Variants in LITAF observed in about 807,000 individuals in gnomAD.
LITAF encodes lipopolysaccharide induced TNF factor, also known as lipopolysaccharide-induced tumor necrosis factor-alpha factor.
Under a neutral mutation model 14.5 loss-of-function variants are expected in LITAF, and 9 were observed. The ratio of observed to expected loss-of-function variants is 0.62; its 90% CI spans 0.37 to 1.08. The LOEUF (loss-of-function observed/expected upper bound fraction) is 1.08. LITAF is among the 50% of genes least tolerant of loss of function. The pLI is 0.01. For missense variants in LITAF, 206 were observed against 213.4 expected, an observed-to-expected ratio of 0.97 and a Z score of 0.22; for synonymous variants, 98 against 88.2, an observed-to-expected ratio of 1.11 and a Z score of -0.62.
intron 3 of LITAF, among the ~76,000 whole-genome samples, chr16:11,612,863 G>GACTC (rs2064991275): frequency 6.6e-6 from 1 of 152,136 alleles, no homozygotes; most frequent in Non-Finnish European, 1.5e-5. Context: ...CCATCTCAGG[G>GACTC]ACTCCCATGG....
intron 1 of LITAF, among the ~76,000 whole-genome samples, chr16:11,560,582 CAA>C (rs57634636): frequency 8.4e-6 from 1 of 118,986 alleles, no homozygotes. Context: ...GATTCCATCT[CAA>C]AAAAAAAAAA....
chr16:11,587,567 G>A (rs1027398816), upstream of LITAF: 1 of 394,644 alleles, frequency 2.5e-6, no homozygotes, highest in Admixed American at 2.7e-5. Flanking sequence ...TTTTAGCACA[G>A]GATAGGTATT....
chr16:11,623,305 G>T (rs2065062674), intron 3 of LITAF, among the ~76,000 whole-genome samples: 1 of 151,928 alleles, frequency 6.6e-6, no homozygotes, highest in Non-Finnish European at 1.5e-5. Flanking sequence ...TGCTCATATA[G>T]TTGGAAAGTC....
intron 1 of LITAF, among the ~76,000 whole-genome samples, chr16:11,578,376 G>A (rs1483720000): frequency 1.3e-5 from 2 of 152,072 alleles, no homozygotes; most frequent in Non-Finnish European, 2.9e-5. Flanking sequence ...TGGCCAACAT[G>A]GGGAAACATG....
rs1597378855 is a variant in LITAF, at chr16:11,634,974, C to T, written c.-21+851G>A. Among the ~76,000 whole-genome samples the T allele has an allele frequency of 2.0e-5, 3 of 152,146 alleles. No individual in the cohort carries two copies. In the East Asian group the frequency reaches 5.8e-4, roughly 29 times the overall value. On this transcript the variant is annotated intron_variant, in intron 2 of 3. Coordinates refer to the LITAF transcript ENST00000574848. This position sits in a 1 kb window ranked among gnomAD's most constrained non-coding sequence, Gnocchi z 4.1. ...GATTGAACCCGGGAAGCGGAGGTTG[C>T]AGAGAGCTGAGATCACGCCATTGCA...
chr16:11,639,001 T>C (rs1268665214), upstream of LITAF, among the ~76,000 whole-genome samples: 1 of 152,068 alleles, frequency 6.6e-6, no homozygotes, highest in Non-Finnish European at 1.5e-5. Flanking sequence ...GTGAAATGCA[T>C]CCAAAAAGTA....
chr16:11,551,804 C>G (rs1366222389), intron 3 of LITAF: 1 of 640,204 alleles, frequency 1.6e-6, no homozygotes, highest in South Asian at 1.7e-5. Flanking sequence ...TGCACTCCTG[C>G]CTGGACAACA....
chr16:11,598,665 A>C (rs929986242), upstream of LITAF, among the ~76,000 whole-genome samples: 1 of 152,036 alleles, frequency 6.6e-6, no homozygotes, highest in East Asian at 1.9e-4. Flanking sequence ...TGGCTTTGAA[A>C]GTTCCCTCTG....
chr16:11,548,926 C>A lies in LITAF; in HGVS notation c.*711G>T, dbSNP rs117082330. On this transcript the variant is annotated 3_prime_UTR_variant, in exon 4 of 4. Transcript: ENST00000622633. ...AAAAATCCCTGTATGGAAAGGGGCA[C>A]TGAAGATCTGGCACAGAGAAACAAG... 7,688 of 453,962 alleles carry A rather than the reference C, an allele frequency of 0.017. 94 individuals are homozygous for A. The highest frequency in any genetic ancestry group is 0.022 in the Non-Finnish European group (5,062 of 226,774). The allele number at this position is 453,962 out of a possible 1,614,324, so 28.1% of individuals were successfully genotyped here.
In LITAF at chr16:11,610,437, C is replaced by A. The variant is rs117178152; in HGVS notation, c.85+23096G>T. Among the ~76,000 whole-genome samples the A allele has an allele frequency of 8.6e-3, 1,308 of 152,218 alleles. 11 individuals are homozygous for A. Among genetic ancestry groups the A allele is most frequent in the Admixed American group, 0.013 (202 of 15,282 alleles). ...GAAATCTTTATTCTGGTCCTTCAAGCCCCAGCCTGCACGCTGGGCAGTGGG... is the reference window on the plus strand; with the variant it reads ...GAAATCTTTATTCTGGTCCTTCAAGACCCAGCCTGCACGCTGGGCAGTGGG... On this transcript the variant is annotated intron_variant, in intron 3 of 3. Coordinates refer to the LITAF transcript ENST00000574848.
At chr16:11,572,816 C>T (rs1347348646) in intron 1 of LITAF, among the ~76,000 whole-genome samples, 4 of 152,114 alleles carry the variant, frequency 2.6e-5, no homozygotes, top group Non-Finnish European at 5.9e-5. Flanking sequence ...TAAACAGTAA[C>T]GCAGCGGTGT....
At chr16:11,588,491 A>T (rs2064828676), upstream of LITAF, among the ~76,000 whole-genome samples, 1 of 151,898 alleles carries the variant, frequency 6.6e-6, no homozygotes, top group Non-Finnish European at 1.5e-5. Context: ...AGCAACAAAG[A>T]AAGAAAGAGG....
chr16:11,573,540 G>A (rs1229518769), intron 1 of LITAF, among the ~76,000 whole-genome samples: 1 of 152,166 alleles, frequency 6.6e-6, no homozygotes, highest in Non-Finnish European at 1.5e-5. Context: ...AGCAAGGCAA[G>A]GGTACCAATC....
At chr16:11,622,728 T>G (rs2065058684) in intron 3 of LITAF, among the ~76,000 whole-genome samples, 1 of 152,068 alleles carries the variant, frequency 6.6e-6, no homozygotes, top group Admixed American at 6.6e-5. Context: ...GAAATTTCAG[T>G]TCTGTGTGTT....
At chr16:11,584,727 G>A (rs768444374) in intron 1 of LITAF, among the ~76,000 whole-genome samples, 17 of 152,098 alleles carry the variant, frequency 1.1e-4, no homozygotes, top group Admixed American at 2.6e-4. Context: ...CTTTTTCGCC[G>A]GTGTGTGTTT....
intron 3 of LITAF, among the ~76,000 whole-genome samples, chr16:11,620,381 T>C (rs1342608420): frequency 6.6e-6 from 1 of 152,052 alleles, no homozygotes; most frequent in Non-Finnish European, 1.5e-5. Flanking sequence ...TATCTCTTGC[T>C]CCTGTTTTCG....
At chr16:11,638,842 A>G (rs1325515064), upstream of LITAF, among the ~76,000 whole-genome samples, 1 of 151,542 alleles carries the variant, frequency 6.6e-6, no homozygotes, top group Non-Finnish European at 1.5e-5. Context: ...TAATTCCACA[A>G]TCTCATTTTA....
upstream of LITAF, among the ~76,000 whole-genome samples, chr16:11,602,657 C>T (rs188030043): frequency 8.3e-4 from 126 of 151,798 alleles, no homozygotes; most frequent in African/African-American, 3.0e-3. Flanking sequence ...TCCAGATGGG[C>T]ACTCCATGCC....
chr16:11,563,996 T>C (rs2064413743), intron 1 of LITAF, among the ~76,000 whole-genome samples: 1 of 152,062 alleles, frequency 6.6e-6, no homozygotes, highest in Non-Finnish European at 1.5e-5. Context: ...AACCTCTGCC[T>C]CCCAGGTTCA....
Sources: gnomAD v4.1 joint callset for allele counts (sites outside exome capture counted in the v4.1 genomes callset) on GRCh38, gnomAD v4.1.1 for gene constraint, Gnocchi (gnomAD v3.1) non-coding constraint, MANE v1.5 for transcripts, NCBI Gene and HGNC (gene_info 2026-07-23, HGNC 2026-07-21) for gene names.